PLCL2: variants seen among roughly 807,000 people sequenced by gnomAD.
PLCL2 encodes the protein phospholipase C like 2, also known as inactive phospholipase C-like protein 2.
In PLCL2, 4 loss-of-function variants were observed where a neutral mutation model predicts 79.6. The observed-to-expected ratio is 0.05, with a 90% confidence interval of 0.02 to 0.11. PLCL2 has a LOEUF of 0.11. Ranked by LOEUF, PLCL2 falls within the 10% of genes least tolerant of loss-of-function variation. The pLI, the probability that PLCL2 is intolerant of heterozygous loss-of-function variation, is 1.00. For synonymous variants in PLCL2, 484 were observed against 457.7 expected (o/e 1.06, Z -0.73); for missense variants, 895 against 1,291.0 (o/e 0.69, Z 4.70).
intron 1 of PLCL2, among the ~76,000 whole-genome samples, chr3:16,936,497 C>G (rs1049236436): frequency 2.0e-5 from 3 of 151,594 alleles, no homozygotes; most frequent in Non-Finnish European, 4.4e-5. Context: ...TGTCTGTTCT[C>G]TGTGTTTTTG....
intron 1 of PLCL2, among the ~76,000 whole-genome samples, chr3:16,890,671 T>C (rs1299001183): frequency 1.3e-5 from 2 of 152,196 alleles, no homozygotes. Context: ...TGTTCTATAT[T>C]GGTGGGATTC....
At chr3:16,960,078 G>A (rs549049013) in intron 1 of PLCL2, among the ~76,000 whole-genome samples, 4 of 152,122 alleles carry the variant, frequency 2.6e-5, no homozygotes, top group African/African-American at 7.2e-5. Flanking sequence ...GCACTCCAGC[G>A]TGGGCGACAG....
Position 16,925,623 on chromosome 3 carries a change from A to G in PLCL2, c.327+40257A>G, listed in dbSNP as rs149220397. ...AAACATTTTATATAAATGGAATCAT[A>G]CAATATATGGCCTTTTCCAACTGGC... On this transcript the variant is annotated intron_variant, in intron 1 of 5. Coordinates refer to ENST00000615277, the MANE Select transcript of PLCL2 (RefSeq NM_001144382.2). Among the ~76,000 whole-genome samples the G allele has an allele frequency of 3.4e-4, 52 of 152,324 alleles. No homozygotes were observed. In the East Asian group the frequency reaches 8.7e-3, roughly 25 times the overall value.
At chr3:17,039,570 C>T (rs752426808) in intron 3 of PLCL2, among the ~76,000 whole-genome samples, 2 of 152,152 alleles carry the variant, frequency 1.3e-5, no homozygotes, top group Non-Finnish European at 2.9e-5. Flanking sequence ...AAGATACTTC[C>T]TTCTGAAGCA....
chr3:16,957,928 A>T (rs1276902738), intron 1 of PLCL2, among the ~76,000 whole-genome samples: 1 of 152,114 alleles, frequency 6.6e-6, no homozygotes, highest in Non-Finnish European at 1.5e-5. Flanking sequence ...GTGTCTCTGC[A>T]CGTGAGATGG....
intron 1 of PLCL2, among the ~76,000 whole-genome samples, chr3:16,960,956 A>G (rs1351674022): frequency 6.6e-6 from 1 of 152,248 alleles, no homozygotes; most frequent in Non-Finnish European, 1.5e-5. Context: ...GAGAAAATAT[A>G]AAGAAAATAA....
intron 3 of PLCL2, 142 bp from the exon 4 acceptor site, chr3:17,042,732 T>G (rs2124920533): frequency 1.6e-6 from 1 of 633,598 alleles, no homozygotes; most frequent in East Asian, 2.7e-5. Context: ...CATGCACATT[T>G]GAAGTTGAGT....
chr3:16,946,332 C>T (rs925804747), intron 1 of PLCL2, among the ~76,000 whole-genome samples: 4 of 151,992 alleles, frequency 2.6e-5, no homozygotes, highest in East Asian at 1.9e-4. Context: ...TTCCAGTCTT[C>T]GTTCTCCTTC....
intron 1 of PLCL2, among the ~76,000 whole-genome samples, chr3:16,966,711 T>C (rs1474242972): frequency 6.6e-6 from 1 of 152,150 alleles, no homozygotes; most frequent in East Asian, 1.9e-4. Flanking sequence ...CATTGGTCTA[T>C]TCAGAGATTT....
rs535809043 is a variant in PLCL2 at position 16,990,310 on chromosome 3, A to G, written c.328-19364A>G. On this transcript the variant is annotated intron_variant, in intron 1 of 5. Transcript: ENST00000615277. ...TACACAGGAAGGGCTGGTGCAGAAG[A>G]CAGACCAGAGCCTGACACCCAGTCT... Among the ~76,000 whole-genome samples the G allele has an allele frequency of 2.0e-4, 31 of 152,308 alleles. 1 individual carries two copies. In the East Asian group the frequency reaches 5.8e-3, roughly 28 times the overall value.
At chr3:16,891,002 C>T (rs1696334588) in intron 1 of PLCL2, among the ~76,000 whole-genome samples, 1 of 152,184 alleles carries the variant, frequency 6.6e-6, no homozygotes, top group Non-Finnish European at 1.5e-5. Flanking sequence ...GTTGTTAGGC[C>T]CTCTTACCAC....
chr3:16,901,689 C>T (rs967394966), intron 1 of PLCL2, among the ~76,000 whole-genome samples: 2 of 152,152 alleles, frequency 1.3e-5, no homozygotes, highest in African/African-American at 4.8e-5. Flanking sequence ...CTGTCTGTGC[C>T]GTGTTTCCCC....
At chr3:16,945,157 G>A (rs1048263047) in intron 1 of PLCL2, among the ~76,000 whole-genome samples, 5 of 151,914 alleles carry the variant, frequency 3.3e-5, no homozygotes, top group East Asian at 1.9e-4. Flanking sequence ...TCAACCTCAC[G>A]TATTTCAGAT....
At chr3:16,947,178 G>A (rs1262880092) in intron 1 of PLCL2, among the ~76,000 whole-genome samples, 1 of 151,496 alleles carries the variant, frequency 6.6e-6, no homozygotes, top group Admixed American at 6.6e-5. Flanking sequence ...TCAAACTCCT[G>A]GCTTCAAGCG....
At chr3:17,035,106 T>A (rs550955915) in intron 3 of PLCL2, among the ~76,000 whole-genome samples, 1 of 152,310 alleles carries the variant, frequency 6.6e-6, no homozygotes, top group African/African-American at 2.4e-5. Flanking sequence ...TCTCAGCCAC[T>A]ACCTCTGTGG....
At chr3:16,906,214 T>G (rs1036958363) in intron 1 of PLCL2, among the ~76,000 whole-genome samples, 10 of 152,194 alleles carry the variant, frequency 6.6e-5, no homozygotes, top group Non-Finnish European at 2.9e-5. Flanking sequence ...CCTAAAAATA[T>G]TGTGGGGCTG....
intron 1 of PLCL2, among the ~76,000 whole-genome samples, chr3:16,989,336 T>C (rs1234537368): frequency 6.6e-6 from 1 of 152,074 alleles, no homozygotes; most frequent in Non-Finnish European, 1.5e-5. Context: ...TCCTTGCCCT[T>C]AAAAAGCTTA....
At chr3:16,970,054 A>ATT (rs1255921478) in intron 1 of PLCL2, among the ~76,000 whole-genome samples, 2,050 of 130,400 alleles carry the variant, frequency 0.016, 44 homozygotes, top group African/African-American at 0.05. Context: ...ATATATATAT[A>ATT]TATATTTTAT....
intron 5 of PLCL2, among the ~76,000 whole-genome samples, chr3:17,072,144 A>G (rs930398743): frequency 6.6e-6 from 1 of 152,114 alleles, no homozygotes; most frequent in Non-Finnish European, 1.5e-5. Flanking sequence ...TTCTAATATA[A>G]TTGTTCTTTA....
Sources: allele counts gnomAD v4.1 joint callset (sites outside exome capture counted in the v4.1 genomes callset), GRCh38; gene constraint gnomAD v4.1.1; transcripts MANE v1.5; gene names NCBI Gene and HGNC (gene_info 2026-07-23, HGNC 2026-07-21).